CNOT9: variants seen among roughly 807,000 people sequenced by gnomAD.
CNOT9 encodes CCR4-NOT transcription complex subunit 9.
CNOT9 carries 8 observed loss-of-function variants against 37.4 expected under a neutral mutation model. That is an observed-to-expected ratio of 0.21 (90% CI 0.13 to 0.39). The LOEUF (loss-of-function observed/expected upper bound fraction) is 0.39, where lower values mean the gene tolerates loss of function less well. Among genes scored for constraint, CNOT9 ranks in the 10% least tolerant of loss-of-function variants. CNOT9 has a pLI of 1.00. For missense variants in CNOT9, 154 were observed against 365.3 expected, an observed-to-expected ratio of 0.42 and a Z score of 4.71; for synonymous variants, 120 against 137.6, an observed-to-expected ratio of 0.87 and a Z score of 0.90.
intron 5 of CNOT9, among the ~76,000 whole-genome samples, chr2:218,590,063 T>G (rs56408098): frequency 0.047 from 6,757 of 142,764 alleles, 359 homozygotes; most frequent in African/African-American, 0.14. Flanking sequence ...TGTTTTTTTT[T>G]TTGTTGTTGT....
intron 1 of CNOT9, among the ~76,000 whole-genome samples, chr2:218,573,318 TAAAAAAAAA>T (rs34596336): frequency 1.5e-5 from 2 of 132,866 alleles, no homozygotes; most frequent in Middle Eastern, 3.8e-3. Context: ...AACTCCATCT[TAAAAAAAAA>T]AAAAAAAAAA....
chr2:218,588,633 C>T (rs111699701), intron 5 of CNOT9, among the ~76,000 whole-genome samples: 5,822 of 104,484 alleles, frequency 0.056, 211 homozygotes, highest in East Asian at 0.13. Context: ...GTGATGTAAT[C>T]TCAGCTCGCT....
intron 4 of CNOT9, among the ~76,000 whole-genome samples, chr2:218,585,644 T>TTTA (rs1694566342): frequency 6.8e-6 from 1 of 146,050 alleles, no homozygotes; most frequent in African/African-American, 2.4e-5. Flanking sequence ...TTTTATTTTT[T>TTTA]TTTTTTTTTT....
At chr2:218,581,140 A>G (rs905993193) in intron 2 of CNOT9, 7 of 145,742 alleles carry the variant, frequency 4.8e-5, no homozygotes, top group Admixed American at 9.4e-5. Context: ...TGGAAAAGAA[A>G]TGGGTTTTTG....
intron 1 of CNOT9, among the ~76,000 whole-genome samples, chr2:218,579,400 CTTCT>C (rs1247837582): frequency 6.6e-6 from 1 of 152,130 alleles, no homozygotes; most frequent in East Asian, 1.9e-4. Flanking sequence ...TAGAGAGCTG[CTTCT>C]TTTTTTAAAG....
At chr2:218,588,281 A>T (rs544050265) in intron 5 of CNOT9, among the ~76,000 whole-genome samples, 19 of 148,584 alleles carry the variant, frequency 1.3e-4, no homozygotes, top group Non-Finnish European at 4.5e-5. Context: ...TTTGATAATC[A>T]TATATCTTTT....
Position 218,594,123 on chromosome 2 carries a change from C to G in CNOT9, c.747C>G (p.Leu249=). The change falls in exon 8 of 8, where the codon CTC becomes CTG. Residue 249 remains leucine, a synonymous_variant. Coordinates refer to ENST00000273064, the MANE Select transcript of CNOT9 (RefSeq NM_005444.3). ...LSDNPRAREA[L]RQCLPDQLKD... ...TCTGATGTAGGGCACGTGAAGCACT[C>G]AGACAGTGCCTCCCTGACCAGCTGA... 6.2e-7 allele frequency: 1 copy of G among 1,614,230 alleles called. No homozygotes were observed. The highest frequency in any genetic ancestry group is 8.5e-7 in the Non-Finnish European group (1 of 1,180,030).
intron 2 of CNOT9, among the ~76,000 whole-genome samples, chr2:218,582,462 G>A (rs916785031): frequency 5.9e-5 from 9 of 152,174 alleles, no homozygotes; most frequent in African/African-American, 1.7e-4. Context: ...AGGCCGAGAC[G>A]GGCAGATCAC....
At chr2:218,582,658 C>G (rs1048713027) in intron 2 of CNOT9, among the ~76,000 whole-genome samples, 1 of 151,898 alleles carries the variant, frequency 6.6e-6, no homozygotes, top group African/African-American at 2.4e-5. Flanking sequence ...CCACTGCACT[C>G]CAGCCCGGGT....
At chr2:218,593,728 G>A (rs1282019793) in intron 7 of CNOT9, 2 of 1,217,280 alleles carry the variant, frequency 1.6e-6, no homozygotes, top group East Asian at 2.7e-5. Context: ...GTTATCATAA[G>A]TTTGATGATA....
At chr2:218,571,283 GGT>G (rs1693982762) in intron 1 of CNOT9, among the ~76,000 whole-genome samples, 2 of 152,170 alleles carry the variant, frequency 1.3e-5, no homozygotes, top group African/African-American at 4.8e-5. Context: ...TAAGCCGGGT[GGT>G]GTGTGCCCAT....
At chr2:218,593,023 A>T in intron 7 of CNOT9, 1 of 313,698 alleles carries the variant, frequency 3.2e-6, no homozygotes, top group Non-Finnish European at 5.9e-6. Context: ...TCAGAGAGAG[A>T]AGTATATTTT....
At chr2:218,584,144 TTTAAG>T (rs1694509858) in intron 3 of CNOT9, among the ~76,000 whole-genome samples, 1 of 152,240 alleles carries the variant, frequency 6.6e-6, no homozygotes, top group African/African-American at 2.4e-5. Flanking sequence ...AATTGGATAT[TTTAAG>T]TTAATCAGTT....
Position 218,592,983 on chromosome 2 carries a change from G to A in CNOT9, c.731+276G>A. The A allele has an allele frequency of 2.4e-6, 1 of 413,244 alleles. No homozygotes were observed. The highest frequency in any genetic ancestry group is 4.3e-6 in the Non-Finnish European group (1 of 231,686). 25.6% of individuals were successfully genotyped at this position (413,244 alleles called of 1,614,324 possible). A position where few individuals can be genotyped will look rare whatever the true frequency, so the allele number is the denominator to read the frequency against. ...AACCTTATGATGCATTACTCCTGTT[G>A]TTTGAATTTTCTGTTGCTACTCTAC... On this transcript the variant is annotated intron_variant, in intron 7 of 7. Coordinates refer to ENST00000273064, the MANE Select transcript of CNOT9 (RefSeq NM_005444.3). This position sits in a 1 kb window ranked among gnomAD's most constrained non-coding sequence, Gnocchi z 4.1.
Position 218,595,123 on chromosome 2 carries a change from A to G in CNOT9, c.*847A>G, listed in dbSNP as rs1375659147. ...ACTTCCCTTCTATTAAACTTAAAAC[A>G]GATGTCTTAATTAATCAGGCTGTCT... On this transcript the variant is annotated 3_prime_UTR_variant, in exon 8 of 8. Coordinates refer to ENST00000273064, the MANE Select transcript of CNOT9 (RefSeq NM_005444.3). 6.6e-6 allele frequency: 1 copy of G among 152,192 alleles called. No individual in the cohort carries two copies. The highest frequency in any genetic ancestry group is 2.4e-5 in the African/African-American group (1 of 41,432). The allele number at this position is 152,192 out of a possible 1,614,324, so 9.4% of individuals were successfully genotyped here. A position where few individuals can be genotyped will look rare whatever the true frequency, so the allele number is the denominator to read the frequency against.
intron 2 of CNOT9, chr2:218,580,964 A>G (rs1332250996): frequency 4.8e-6 from 3 of 623,486 alleles, no homozygotes; most frequent in Non-Finnish European, 8.9e-6. Flanking sequence ...CCTATAATCT[A>G]TATTTTAATA....
rs34073662 is a variant in CNOT9 at position 218,582,080 on chromosome 2, C to CA, written c.205-882dup. On this transcript the variant is annotated intron_variant, in intron 2 of 7. Transcript: ENST00000273064. ...TGGATGACAGAGTGAGACCCTGTCT[C>CA]AAAAAAAAAGAAAAAAAATGTAAAT... Among the ~76,000 whole-genome samples, 579 of 111,698 alleles carry CA rather than the reference C, an allele frequency of 5.2e-3. 2 individuals carry two copies. Among genetic ancestry groups the CA allele is most frequent in the Middle Eastern group, 0.029 (5 of 170 alleles). 73.3% of individuals were successfully genotyped at this position (111,698 alleles called of 152,430 possible).
At chr2:218,571,030 G>A (rs1167190224) in intron 1 of CNOT9, among the ~76,000 whole-genome samples, 1 of 152,110 alleles carries the variant, frequency 6.6e-6, no homozygotes, top group African/African-American at 2.4e-5. Context: ...TTCCGTTGGA[G>A]CAAACTGCAT....
intron 5 of CNOT9, among the ~76,000 whole-genome samples, chr2:218,590,458 A>T (rs971904922): frequency 2.0e-4 from 30 of 152,242 alleles, no homozygotes; most frequent in Admixed American, 1.6e-3. Context: ...GTAAGTTTAT[A>T]TTAGGTTCCT....
Sources: allele counts gnomAD v4.1 joint callset (sites outside exome capture counted in the v4.1 genomes callset), GRCh38; gene constraint gnomAD v4.1.1; non-coding constraint Gnocchi (gnomAD v3.1); transcripts MANE v1.5; gene names NCBI Gene and HGNC (gene_info 2026-07-23, HGNC 2026-07-21).